TMEM232: variants seen among roughly 807,000 people sequenced by gnomAD.
The protein encoded by TMEM232 is transmembrane protein 232.
Under a neutral mutation model 78.8 loss-of-function variants are expected in TMEM232, and 80 were observed. The observed-to-expected ratio is 1.01, with a 90% CI of 0.85 to 1.22. The LOEUF (loss-of-function observed/expected upper bound fraction) is 1.22. Ranked by LOEUF, TMEM232 falls within the 50% of genes most tolerant of loss-of-function variation. TMEM232 has a pLI of 0.00. For synonymous variants in TMEM232, 297 were observed against 254.3 expected, an observed-to-expected ratio of 1.17 and a Z score of -1.60; for missense variants, 881 against 742.2, an observed-to-expected ratio of 1.19 and a Z score of -2.17.
At chr5:110,695,022 C>T (rs997300535) in intron 1 of TMEM232, among the ~76,000 whole-genome samples, 3 of 152,304 alleles carry the variant, frequency 2.0e-5, no homozygotes, top group African/African-American at 7.2e-5. Context: ...CCACACCACA[C>T]CTATTCCAAA....
chr5:110,447,011 C>T (rs1759724454), intron 12 of TMEM232, among the ~76,000 whole-genome samples: 1 of 151,744 alleles, frequency 6.6e-6, no homozygotes, highest in African/African-American at 2.4e-5. Flanking sequence ...GGTGAAAATG[C>T]TCATATGAAA....
At position 110,393,648 on chromosome 5, in the gene TMEM232, T is replaced by A. The variant is rs145904946; in HGVS notation, n.391-3008A>T. Among the ~76,000 whole-genome samples the A allele has an allele frequency of 1.8e-3, 279 of 152,224 alleles. 2 individuals carry two copies. The highest frequency in any genetic ancestry group is 6.1e-3 in the African/African-American group (253 of 41,522). On this transcript the variant is annotated intron_variant and non_coding_transcript_variant, in intron 3 of 8. Coordinates refer to the TMEM232 transcript ENST00000507188. ...TGTCTTACATACAATCCAATTATAC[T>A]CTTAGGTTATTTTAAAATGTAAAAT...
chr5:110,721,521 T>C (rs932224692), intron 1 of TMEM232, among the ~76,000 whole-genome samples: 12 of 150,964 alleles, frequency 7.9e-5, no homozygotes, highest in Non-Finnish European at 1.8e-4. Flanking sequence ...GTAAGAACTG[T>C]TGTTCTCAAG....
At chr5:110,430,736 A>C (rs1380076544) in intron 12 of TMEM232, among the ~76,000 whole-genome samples, 1 of 151,826 alleles carries the variant, frequency 6.6e-6, no homozygotes, top group Non-Finnish European at 1.5e-5. Flanking sequence ...GTATTAAATA[A>C]AATTTTCAAT....
intron 11 of TMEM232, among the ~76,000 whole-genome samples, chr5:110,563,965 A>C (rs1776043535): frequency 6.6e-6 from 1 of 151,998 alleles, no homozygotes; most frequent in Admixed American, 6.6e-5. Context: ...TTGTTATTCC[A>C]AATTGTACTT....
At position 110,667,217 on chromosome 5, in the gene TMEM232, T is replaced by C. The variant is rs946713804; in HGVS notation, c.125+11A>G. ...AATACATATGGGTCCTATAATTATT[T>C]TCTAGCTTACCTTGATTTATGACCC... On this transcript the variant is annotated intron_variant, in intron 2 of 13. Coordinates refer to ENST00000455884, the MANE Select transcript of TMEM232 (RefSeq NM_001039763.4). The C allele has an allele frequency of 6.5e-7, 1 of 1,536,500 alleles. No individual in the cohort carries two copies. Among genetic ancestry groups the C allele is most frequent in the Non-Finnish European group, 8.8e-7 (1 of 1,138,656 alleles).
chr5:110,443,389 C>A (rs1759279755), intron 12 of TMEM232, among the ~76,000 whole-genome samples: 1 of 152,134 alleles, frequency 6.6e-6, no homozygotes, highest in Admixed American at 6.5e-5. Flanking sequence ...GGGAATTCTG[C>A]CAGGCCACCA....
upstream of TMEM232, among the ~76,000 whole-genome samples, chr5:110,729,987 A>G (rs1798525148): frequency 2.6e-5 from 4 of 152,356 alleles, no homozygotes; most frequent in South Asian, 8.3e-4. Context: ...ATGTTTCCTT[A>G]GCATTCTGAG....
chr5:110,731,202 C>G (rs1381489199), upstream of TMEM232, among the ~76,000 whole-genome samples: 2 of 152,208 alleles, frequency 1.3e-5, no homozygotes, highest in African/African-American at 4.8e-5. Context: ...TCTTCGGCAG[C>G]TCCACCCCTG....
At chr5:110,737,220 T>C (rs1049688738) in intron 1 of TMEM232, among the ~76,000 whole-genome samples, 1 of 152,184 alleles carries the variant, frequency 6.6e-6, no homozygotes, top group African/African-American at 2.4e-5. Flanking sequence ...GATAGGTGCT[T>C]AATAAATATA....
intron 12 of TMEM232, among the ~76,000 whole-genome samples, chr5:110,520,454 G>A (rs76109560): frequency 1.3e-5 from 2 of 151,986 alleles, no homozygotes; most frequent in East Asian, 3.9e-4. Flanking sequence ...GATTAAAAAA[G>A]ACATACACAA....
chr5:110,639,029 T>C (rs1222403423), intron 4 of TMEM232, among the ~76,000 whole-genome samples: 1 of 152,052 alleles, frequency 6.6e-6, no homozygotes, highest in Non-Finnish European at 1.5e-5. Flanking sequence ...GGAGCTTCCA[T>C]GTAAATATAT....
chr5:110,444,568 T>A (rs568169932), intron 12 of TMEM232, among the ~76,000 whole-genome samples: 5 of 152,320 alleles, frequency 3.3e-5, no homozygotes, highest in African/African-American at 1.2e-4. Context: ...GACAGTTGTT[T>A]AACTTTGGTG....
intron 1 of TMEM232, among the ~76,000 whole-genome samples, chr5:110,668,674 C>T (rs968532743): frequency 1.3e-4 from 20 of 150,276 alleles, no homozygotes; most frequent in Admixed American, 5.9e-4. Flanking sequence ...ACAGAATATA[C>T]ATTCTTCTCA....
intron 12 of TMEM232, among the ~76,000 whole-genome samples, chr5:110,463,816 C>T (rs191276424): frequency 6.6e-6 from 1 of 152,280 alleles, no homozygotes; most frequent in African/African-American, 2.4e-5. Context: ...TTGCATCTCA[C>T]CTGCCCTACA....
intron 12 of TMEM232, among the ~76,000 whole-genome samples, chr5:110,457,244 G>A (rs907895939): frequency 1.3e-5 from 2 of 152,056 alleles, no homozygotes; most frequent in Admixed American, 6.6e-5. Flanking sequence ...AAAGATGTAT[G>A]GATGCTGAGT....
chr5:110,606,811 T>A (rs960856968), intron 8 of TMEM232, among the ~76,000 whole-genome samples: 14 of 152,054 alleles, frequency 9.2e-5, no homozygotes, highest in Non-Finnish European at 2.1e-4. Context: ...TAGTTTTTTT[T>A]AATATTATAA....
chr5:110,601,177 T>G (rs1180770892), intron 10 of TMEM232, among the ~76,000 whole-genome samples: 3 of 152,108 alleles, frequency 2.0e-5, no homozygotes, highest in African/African-American at 7.2e-5. Context: ...GAGCCATCAG[T>G]AACAAACTCA....
intron 2 of TMEM232, among the ~76,000 whole-genome samples, chr5:110,654,324 A>G (rs530679043): frequency 6.6e-6 from 1 of 152,172 alleles, no homozygotes; most frequent in Non-Finnish European, 1.5e-5. Flanking sequence ...ATTAATTTTT[A>G]TATAAGGTGT....
Sources: allele counts gnomAD v4.1 joint callset (sites outside exome capture counted in the v4.1 genomes callset), GRCh38; gene constraint gnomAD v4.1.1; transcripts MANE v1.5; gene names NCBI Gene and HGNC (gene_info 2026-07-23, HGNC 2026-07-21).